The following TMEM108 variants were observed in gnomAD, a reference collection of about 807,000 sequenced individuals.
TMEM108 encodes transmembrane protein 108.
Under a neutral mutation model 35.1 loss-of-function variants are expected in TMEM108, and 12 were observed. The ratio of observed to expected loss-of-function variants is 0.34; its 90% confidence interval spans 0.22 to 0.55. The LOEUF (loss-of-function observed/expected upper bound fraction) is 0.55. Among genes scored for constraint, TMEM108 ranks in the 20% least tolerant of loss-of-function variants. The pLI is 0.89. For missense variants in TMEM108, 680 were observed against 753.3 expected (o/e 0.90, Z 1.14); for synonymous variants, 287 against 308.6 (o/e 0.93, Z 0.73).
At chr3:133,121,887 TTCC>T (rs1944357218) in intron 2 of TMEM108, among the ~76,000 whole-genome samples, 1 of 152,160 alleles carries the variant, frequency 6.6e-6, no homozygotes, top group Non-Finnish European at 1.5e-5. Flanking sequence ...TAACGGAGTG[TTCC>T]TTCTAACCTT....
intron 2 of TMEM108, among the ~76,000 whole-genome samples, chr3:133,051,514 T>C (rs1943404107): frequency 6.6e-6 from 1 of 152,164 alleles, no homozygotes; most frequent in African/African-American, 2.4e-5. Flanking sequence ...TTTTGAATTA[T>C]AAAGAAGCCC....
chr3:133,095,179 C>A (rs1388938816), intron 2 of TMEM108, among the ~76,000 whole-genome samples: 1 of 152,104 alleles, frequency 6.6e-6, no homozygotes, highest in East Asian at 1.9e-4. Flanking sequence ...AATAGCAGAT[C>A]CAAAGAGATG....
intron 2 of TMEM108, among the ~76,000 whole-genome samples, chr3:133,090,864 A>C (rs906009854): frequency 2.0e-5 from 3 of 152,294 alleles, no homozygotes; most frequent in Admixed American, 2.0e-4. Flanking sequence ...AAAGTATTCT[A>C]TTATATGGAG....
At chr3:133,240,441 G>A (rs1946296893) in intron 3 of TMEM108, among the ~76,000 whole-genome samples, 1 of 152,142 alleles carries the variant, frequency 6.6e-6, no homozygotes, top group Non-Finnish European at 1.5e-5. Context: ...CAATGCCAAT[G>A]GGGACTAAGA....
intron 3 of TMEM108, among the ~76,000 whole-genome samples, chr3:133,318,345 A>G (rs2071224134): frequency 6.6e-6 from 1 of 152,244 alleles, no homozygotes; most frequent in Non-Finnish European, 1.5e-5. Flanking sequence ...TTACATCTCA[A>G]GGATATTATA....
intron 2 of TMEM108, among the ~76,000 whole-genome samples, chr3:133,083,876 T>G (rs1433002412): frequency 2.7e-5 from 4 of 148,658 alleles, no homozygotes; most frequent in African/African-American, 1.0e-4. Context: ...TGAGATAAAG[T>G]AAAAAAAAAA....
At chr3:133,055,448 T>A (rs1943455200) in intron 2 of TMEM108, among the ~76,000 whole-genome samples, 1 of 152,236 alleles carries the variant, frequency 6.6e-6, no homozygotes, top group South Asian at 2.1e-4. Flanking sequence ...ATAGAGAGAT[T>A]CTGAAAGATG....
chr3:133,173,584 A>C (rs1450054), intron 2 of TMEM108, among the ~76,000 whole-genome samples: 42,629 of 152,168 alleles, frequency 0.28, 6,254 homozygotes, highest in Middle Eastern at 0.39. Flanking sequence ...TGTCCACATT[A>C]ATGAGGTAGC....
Position 133,346,241 on chromosome 3 carries a change from T to A in TMEM108, c.41-33511T>A, listed in dbSNP as rs6786153. Among the ~76,000 whole-genome samples the A allele has an allele frequency of 0.22, 32,949 of 151,904 alleles. 4,160 individuals carry two copies. The highest frequency in any genetic ancestry group is 0.31 in the Middle Eastern group (92 of 294). ...TTTCTTCCTTGGTGGCTGTACCATT[T>A]TGCATTCCTGTCAGCACTGAATGAG... is the stretch of plus-strand genomic sequence containing the variant. On this transcript the variant is annotated intron_variant, in intron 3 of 5. Coordinates refer to ENST00000321871, the MANE Select transcript of TMEM108 (RefSeq NM_023943.4). This position sits in a 1 kb window ranked among gnomAD's most constrained non-coding sequence, Gnocchi z 4.0.
intron 2 of TMEM108, among the ~76,000 whole-genome samples, chr3:133,143,812 G>C (rs1944673493): frequency 1.3e-5 from 2 of 152,016 alleles, no homozygotes. Flanking sequence ...GCCAGCCCCA[G>C]CACATGCCCT....
intron 2 of TMEM108, among the ~76,000 whole-genome samples, chr3:133,099,381 T>A (rs1944057727): frequency 6.6e-6 from 1 of 152,196 alleles, no homozygotes. Flanking sequence ...GGGGCTGCCG[T>A]GAAGGTCTCT....
intron 3 of TMEM108, among the ~76,000 whole-genome samples, chr3:133,351,800 C>A (rs1038094305): frequency 7.2e-5 from 11 of 152,150 alleles, no homozygotes; most frequent in Non-Finnish European, 1.6e-4. Context: ...TGTCTCATTC[C>A]AAGGACATCA....
At chr3:133,329,054 T>G (rs2071363744) in intron 3 of TMEM108, among the ~76,000 whole-genome samples, 1 of 151,776 alleles carries the variant, frequency 6.6e-6, no homozygotes, top group African/African-American at 2.4e-5. Flanking sequence ...GTCTGGACTG[T>G]TTTAACCATT....
intron 3 of TMEM108, among the ~76,000 whole-genome samples, chr3:133,308,634 T>G (rs56232365): frequency 0.34 from 51,939 of 152,146 alleles, 9,201 homozygotes; most frequent in East Asian, 0.48. Flanking sequence ...GGTTTTTGTC[T>G]TTGGTTCTGT....
intron 2 of TMEM108, among the ~76,000 whole-genome samples, chr3:133,102,222 G>A (rs1486074832): frequency 6.6e-6 from 1 of 152,190 alleles, no homozygotes; most frequent in African/African-American, 2.4e-5. Flanking sequence ...ACTTGACTTG[G>A]TATGGGTACT....
chr3:133,119,170 A>G (rs1256826042), intron 2 of TMEM108: 2 of 151,916 alleles, frequency 1.3e-5, no homozygotes, highest in African/African-American at 4.8e-5. Flanking sequence ...TAGGCTCCTC[A>G]GTTTGAACAA....
At chr3:133,219,898 T>C (rs1476338801) in intron 2 of TMEM108, among the ~76,000 whole-genome samples, 1 of 152,140 alleles carries the variant, frequency 6.6e-6, no homozygotes, top group Admixed American at 6.6e-5. Flanking sequence ...TGGATATCCA[T>C]CCATTGTTGA....
At chr3:133,355,249 A>G (rs2072128690) in intron 3 of TMEM108, among the ~76,000 whole-genome samples, 1 of 152,138 alleles carries the variant, frequency 6.6e-6, no homozygotes, top group African/African-American at 2.4e-5. Flanking sequence ...TAAAGTTCAA[A>G]ATTAGAACTT....
chr3:133,158,069 C>A (rs1412892716), intron 2 of TMEM108, among the ~76,000 whole-genome samples: 2 of 152,070 alleles, frequency 1.3e-5, no homozygotes, highest in Non-Finnish European at 2.9e-5. Context: ...TCCTGTGAGT[C>A]CTTTTAACTC....
Sources: gnomAD v4.1 joint callset for allele counts (sites outside exome capture counted in the v4.1 genomes callset) on GRCh38, gnomAD v4.1.1 for gene constraint, Gnocchi (gnomAD v3.1) non-coding constraint, MANE v1.5 for transcripts, NCBI Gene and HGNC (gene_info 2026-07-23, HGNC 2026-07-21) for gene names.